Variants in FCF1 observed in about 807,000 individuals in gnomAD.
FCF1 encodes the protein FCF1 rRNA-processing protein.
Under a neutral mutation model 32.5 loss-of-function variants are expected in FCF1, and 17 were observed. The observed-to-expected ratio is 0.52, with a 90% CI of 0.36 to 0.78. The LOEUF (loss-of-function observed/expected upper bound fraction) is 0.78. FCF1 is among the 30% of genes least tolerant of loss of function. The pLI, the probability that FCF1 is intolerant of heterozygous loss-of-function variation, is 0.00. For synonymous variants in FCF1, 84 were observed against 78.4 expected (o/e 1.07, Z -0.38); for missense variants, 201 against 241.1 (o/e 0.83, Z 1.10).
At chr14:74,729,258 T>C (rs2090606401) in intron 5 of FCF1, among the ~76,000 whole-genome samples, 1 of 152,136 alleles carries the variant, frequency 6.6e-6, no homozygotes, top group Non-Finnish European at 1.5e-5. Flanking sequence ...GGTAAGCTAT[T>C]GATTATTGCC....
At chr14:74,723,655 C>G (rs2090536271) in intron 5 of FCF1, among the ~76,000 whole-genome samples, 1 of 151,584 alleles carries the variant, frequency 6.6e-6, no homozygotes, top group Admixed American at 6.6e-5. Flanking sequence ...ATGGAGAAAC[C>G]CTATCTCTTC....
intron 5 of FCF1, among the ~76,000 whole-genome samples, chr14:74,730,052 TGTG>T (rs1254912395): frequency 6.6e-6 from 1 of 152,018 alleles, no homozygotes; most frequent in Non-Finnish European, 1.5e-5. Flanking sequence ...ATAGGTGTGG[TGTG>T]GTGCTGAAAA....
At chr14:74,731,755 A>G (rs1329348550) in intron 5 of FCF1, among the ~76,000 whole-genome samples, 2 of 152,026 alleles carry the variant, frequency 1.3e-5, no homozygotes, top group African/African-American at 4.8e-5. Flanking sequence ...AATATTCCCA[A>G]CCCACATTGA....
chr14:74,726,266 T>C, intron 5 of FCF1, among the ~76,000 whole-genome samples: 1 of 151,278 alleles, frequency 6.6e-6, no homozygotes, highest in African/African-American at 2.4e-5. Flanking sequence ...GCAGGAGGAT[T>C]CCTTGAGCCC....
At position 74,714,741 on chromosome 14, in the gene FCF1, C is replaced by T. The variant is rs934216507; in HGVS notation, c.72-131C>T. 7.1e-5 allele frequency: 87 copies of T among 1,219,820 alleles called. No individual in the cohort carries two copies. The African/African-American group carries it at 1.2e-3, about 17-fold the overall frequency. 75.6% of individuals were successfully genotyped at this position (1,219,820 alleles called of 1,614,324 possible). ...CTCAGAAAGAGTATGCTGATATTAACATGAGGATATCACAAAGTAGGATTT... is the reference window on the plus strand; with the variant it reads ...CTCAGAAAGAGTATGCTGATATTAATATGAGGATATCACAAAGTAGGATTT... On this transcript the variant is annotated intron_variant, in intron 2 of 7. Transcript: ENST00000341162.
intron 4 of FCF1, among the ~76,000 whole-genome samples, chr14:74,717,748 T>C (rs1349378827): frequency 1.3e-5 from 2 of 152,168 alleles, no homozygotes; most frequent in African/African-American, 4.8e-5. Context: ...GGATAGAGGG[T>C]CAAAGCATGG....
rs1230443568 is a variant in FCF1 at position 74,713,403 on chromosome 14, G to A, written c.4-82G>A. The A allele has an allele frequency of 2.6e-6, 4 of 1,537,170 alleles. No individual in the cohort carries two copies. The African/African-American group carries it at 5.5e-5, about 21-fold the overall frequency. On this transcript the variant is annotated intron_variant, in intron 1 of 7. Transcript: ENST00000341162. ...TGGGTTATTTGAGGCAAGAAGGGAA[G>A]GCAATAGACAAGAGAAAAGAAGAGA...
At chr14:74,733,652 A>G (rs995902956) in intron 6 of FCF1, among the ~76,000 whole-genome samples, 7 of 152,196 alleles carry the variant, frequency 4.6e-5, no homozygotes, top group Non-Finnish European at 1.0e-4. Flanking sequence ...CAGTAGGCCC[A>G]GAGCACACCC....
At chr14:74,715,693 A>G (rs920262797) in intron 3 of FCF1, 2 of 603,260 alleles carry the variant, frequency 3.3e-6, no homozygotes, top group Admixed American at 2.7e-5. Context: ...AGGAAGAGCT[A>G]GATTGGATAA....
In FCF1 at chr14:74,734,125, T is replaced by G; in HGVS notation, c.503T>G (p.Ile168Ser). 1 of 1,613,720 alleles carries G rather than the reference T, an allele frequency of 6.2e-7. No homozygotes were observed. Among genetic ancestry groups the G allele is most frequent in the Non-Finnish European group, 8.5e-7 (1 of 1,179,722 alleles). Residue 168 changes from isoleucine to serine, a missense_variant, in exon 7 of 8, where the codon ATC becomes AGC. Physicochemically the swap from Ile to Ser is moderately radical, Grantham distance 142. Transcript: ENST00000341162. ...ATVDRDLKRRIRKIPGVPIMY... is the reference protein window; with the variant it reads ...ATVDRDLKRRSRKIPGVPIMY... Reference sequence around the variant, plus strand: ...GTTGACCGGGACCTGAAAAGAAGAATCCGTAAGATTCCTGGAGTTCCTATC... The same window carrying G: ...GTTGACCGGGACCTGAAAAGAAGAAGCCGTAAGATTCCTGGAGTTCCTATC...
intron 4 of FCF1, among the ~76,000 whole-genome samples, chr14:74,720,883 T>G (rs1054248871): frequency 4.0e-5 from 6 of 150,058 alleles, no homozygotes; most frequent in Non-Finnish European, 8.9e-5. Flanking sequence ...GGGTTTGTTT[T>G]TTTTTTTTTT....
At chr14:74,729,878 A>C (rs991175427) in intron 5 of FCF1, among the ~76,000 whole-genome samples, 1 of 152,104 alleles carries the variant, frequency 6.6e-6, no homozygotes, top group Non-Finnish European at 1.5e-5. Flanking sequence ...GTCATTCAGG[A>C]GCAGGTTGTT....
intron 4 of FCF1, among the ~76,000 whole-genome samples, chr14:74,720,090 C>G (rs1330744457): frequency 6.6e-6 from 1 of 152,022 alleles, no homozygotes; most frequent in African/African-American, 2.4e-5. Context: ...TGCAGTGAGC[C>G]AAGATCGTGC....
chr14:74,720,750 A>G (rs536329671), intron 4 of FCF1, among the ~76,000 whole-genome samples: 1 of 152,300 alleles, frequency 6.6e-6, no homozygotes, highest in Non-Finnish European at 1.5e-5. Flanking sequence ...CCAGGTCTCA[A>G]GTGATCCTGC....
intron 5 of FCF1, among the ~76,000 whole-genome samples, chr14:74,731,074 A>G (rs1423158594): frequency 6.6e-6 from 1 of 152,038 alleles, no homozygotes; most frequent in Non-Finnish European, 1.5e-5. Flanking sequence ...GCCTCAAGTG[A>G]TCTTCCTGCT....
rs768163481 is a variant in FCF1, at chr14:74,713,555, G to T, written c.71+3G>T. 6.2e-7 allele frequency: 1 copy of T among 1,610,374 alleles called. No individual in the cohort carries two copies. On this transcript the variant is annotated splice_donor_region_variant and intron_variant, in intron 2 of 7. Transcript: ENST00000341162. ...CTTAGTCTCAGAGATCAGAGGCTGT[G>T]AGTGTCTGGAATCAACTGCCCAGGG...
At chr14:74,734,595 G>C (rs1402050538) in intron 7 of FCF1, among the ~76,000 whole-genome samples, 1 of 151,780 alleles carries the variant, frequency 6.6e-6, no homozygotes, top group Non-Finnish European at 1.5e-5. Flanking sequence ...TTTTCAGCTT[G>C]AGGAGAGCAC....
chr14:74,718,516 C>T (rs775324932), intron 4 of FCF1, among the ~76,000 whole-genome samples: 13 of 151,954 alleles, frequency 8.6e-5, no homozygotes, highest in African/African-American at 1.5e-4. Flanking sequence ...CTCTGTGGCC[C>T]GGGCTGGAGT....
At chr14:74,720,355 A>T (rs2090483988) in intron 4 of FCF1, among the ~76,000 whole-genome samples, 1 of 152,042 alleles carries the variant, frequency 6.6e-6, no homozygotes, top group South Asian at 2.1e-4. Context: ...TCACCCTGCA[A>T]CCCTCACCAT....
Sources: gnomAD v4.1 joint callset for allele counts (sites outside exome capture counted in the v4.1 genomes callset) on GRCh38, gnomAD v4.1.1 for gene constraint, MANE v1.5 for transcripts, NCBI Gene and HGNC (gene_info 2026-07-23, HGNC 2026-07-21) for gene names.